CPLANE1: variants seen among roughly 807,000 people sequenced by gnomAD.
The protein encoded by CPLANE1 is ciliogenesis and planar polarity effector complex subunit 1, also known as ciliogenesis and planar polarity effector 1.
A neutral mutation model predicts 362.5 loss-of-function variants in CPLANE1; 263 were observed. The ratio of observed to expected loss-of-function variants is 0.73; its 90% confidence interval spans 0.66 to 0.80. CPLANE1 has a LOEUF of 0.80. Among genes scored for constraint, CPLANE1 ranks in the 30% least tolerant of loss-of-function variants. The probability of loss-of-function intolerance (pLI) is 0.00; values close to 1 mark genes in which losing one functional copy is unlikely to be tolerated. For missense variants in CPLANE1, 3,461 were observed against 3,793.4 expected, an observed-to-expected ratio of 0.91 and a Z score of 2.30; for synonymous variants, 1,212 against 1,302.6, an observed-to-expected ratio of 0.93 and a Z score of 1.50.
chr5:37,078,221 AGTGGC>A, the CPLANE1 span, among the ~76,000 whole-genome samples: 2 of 152,150 alleles, frequency 1.3e-5, no homozygotes, highest in South Asian at 4.2e-4. Flanking sequence ...AACAGGCCCC[AGTGGC>A]GTGTTGTTCC....
At chr5:37,210,532 A>AAGC (rs1792296222) in intron 16 of CPLANE1, 1 of 1,441,686 alleles carries the variant, frequency 6.9e-7, no homozygotes, top group Non-Finnish European at 9.7e-7. Context: ...ATAGCTTTTA[A>AAGC]TTCAAAAAAG....
At chr5:37,146,564 G>A (rs1464437083) in intron 43 of CPLANE1, among the ~76,000 whole-genome samples, 2 of 152,134 alleles carry the variant, frequency 1.3e-5, no homozygotes, top group African/African-American at 2.4e-5. Context: ...TTAAAGGAGT[G>A]TCAATATTAT....
At chr5:37,123,462 G>A (rs1561321502) in intron 47 of CPLANE1, among the ~76,000 whole-genome samples, 1 of 152,112 alleles carries the variant, frequency 6.6e-6, no homozygotes, top group Admixed American at 6.5e-5. Flanking sequence ...CCAAATAGAA[G>A]TTAAAAAACA....
chr5:37,219,098 G>T, intron 15 of CPLANE1, among the ~76,000 whole-genome samples: 1 of 152,120 alleles, frequency 6.6e-6, no homozygotes, highest in Non-Finnish European at 1.5e-5. Context: ...CTTTCACCCT[G>T]GGTACAGTGG....
chr5:37,120,868 T>C (rs1206305573), intron 49 of CPLANE1, among the ~76,000 whole-genome samples: 1 of 152,242 alleles, frequency 6.6e-6, no homozygotes, highest in Non-Finnish European at 1.5e-5. Context: ...CACACACAGA[T>C]GATCTGATTA....
Position 37,170,255 on chromosome 5 carries a change from A to G in CPLANE1, c.6248T>C (p.Leu2083Pro), listed in dbSNP as rs140110975. 3 of 1,614,058 alleles carry G rather than the reference A, an allele frequency of 1.9e-6. No homozygotes were observed. Among genetic ancestry groups the G allele is most frequent in the East Asian group, 4.5e-5 (2 of 44,900 alleles). The change falls in exon 33 of 53, where the codon CTT becomes CCT. Residue 2083 changes from leucine to proline, a missense_variant. Coordinates refer to ENST00000651892, the MANE Select transcript of CPLANE1 (RefSeq NM_001384732.1). ...ATGCACAGACTGAGACTGCTGTACA[A>G]GTTGTTGTGTATCTGGGAGATTAGC... ...SFANLPDTQQ[L>P]VQQSQSVHLG...
At chr5:37,134,719 A>G (rs1040236090) in intron 46 of CPLANE1, among the ~76,000 whole-genome samples, 9 of 150,084 alleles carry the variant, frequency 6.0e-5, no homozygotes, top group African/African-American at 2.2e-4. Flanking sequence ...TAGTTCCTCT[A>G]GGCGTGATGT....
rs563916668 is a variant in CPLANE1 at position 37,173,932 on chromosome 5, T to C, written c.5994A>G (p.Thr1998=). 26 of 1,613,992 alleles carry C rather than the reference T, an allele frequency of 1.6e-5. 1 individual carries two copies. The South Asian group carries it at 2.5e-4, about 16-fold the overall frequency. The change falls in exon 32 of 53, where the codon ACA becomes ACG. Residue 1998 remains threonine (T), a synonymous_variant. Coordinates refer to ENST00000651892, the MANE Select transcript of CPLANE1 (RefSeq NM_001384732.1). ...GAACTGAGGAAGATTTTTCTTTATA[T>C]GTAGAAATCTGTGCACTGCGTGGAA... The part of the protein sequence containing the change: ...SSEISSAQIS[T]YKEKSSSVPL...
chr5:37,127,080 T>G (rs1764338668), intron 46 of CPLANE1, among the ~76,000 whole-genome samples: 1 of 152,194 alleles, frequency 6.6e-6, no homozygotes, highest in Admixed American at 6.5e-5. Flanking sequence ...TTGTCACAAC[T>G]TGTTACTGGA....
At chr5:37,084,900 G>A in the CPLANE1 span, among the ~76,000 whole-genome samples, 20 of 152,130 alleles carry the variant, frequency 1.3e-4, no homozygotes, top group East Asian at 3.9e-3. Flanking sequence ...TAAACTTAAG[G>A]TAAAGGGGTG....
intron 7 of CPLANE1, 143 bp from the exon 8 acceptor site, chr5:37,239,103 C>T (rs1249981272): frequency 9.3e-6 from 4 of 430,070 alleles, no homozygotes; most frequent in Admixed American, 8.5e-5. Context: ...AATATTGACC[C>T]CTGGTAGCCT....
chr5:37,103,117 T>C (rs1205747798), downstream of CPLANE1, among the ~76,000 whole-genome samples: 1 of 152,244 alleles, frequency 6.6e-6, no homozygotes, highest in African/African-American at 2.4e-5. Flanking sequence ...TCTTGTTGAA[T>C]TGAATCCTTT....
chr5:37,121,631 G>C lies in CPLANE1; in HGVS notation c.9171C>G (p.Cys3057Trp). The C allele has an allele frequency of 6.2e-7, 1 of 1,614,116 alleles. No individual in the cohort carries two copies. The highest frequency in any genetic ancestry group is 8.5e-7 in the Non-Finnish European group (1 of 1,179,972). The change falls in exon 49 of 53, where the codon TGC (cysteine) becomes TGG (tryptophan). Residue 3057 changes from cysteine to tryptophan, a missense_variant. Cys to Trp is a radical substitution (Grantham distance 215). Transcript: ENST00000651892. Reference protein sequence around the residue: ...SPTQSSSCQHCPSPRGENQHG... With the variant: ...SPTQSSSCQHWPSPRGENQHG... ...CCTTGTCTTACCCTCTTGGAGAAGGGCAGTGTTGACAACTGGAAGACTGAG... is the reference window on the plus strand; with the variant it reads ...CCTTGTCTTACCCTCTTGGAGAAGGCCAGTGTTGACAACTGGAAGACTGAG...
intron 8 of CPLANE1, among the ~76,000 whole-genome samples, chr5:37,236,988 A>G (rs959529813): frequency 2.0e-5 from 3 of 152,234 alleles, no homozygotes; most frequent in Non-Finnish European, 4.4e-5. Flanking sequence ...GGGAACAAAC[A>G]TGATTGGTGG....
chr5:37,094,307 T>C, the CPLANE1 span, among the ~76,000 whole-genome samples: 3 of 110,926 alleles, frequency 2.7e-5, no homozygotes, highest in East Asian at 4.6e-4. Context: ...ACCACACAAA[T>C]ACATGGAAAT....
At chr5:37,210,073 AG>A in intron 16 of CPLANE1, 1 of 804,404 alleles carries the variant, frequency 1.2e-6, no homozygotes. Context: ...GCAAAAAAAA[AG>A]TATGAGAAGG....
At chr5:37,158,798 T>G (rs1775952363) in intron 38 of CPLANE1, among the ~76,000 whole-genome samples, 2 of 151,650 alleles carry the variant, frequency 1.3e-5, no homozygotes, top group African/African-American at 4.8e-5. Context: ...ACATTTTTTT[T>G]TTTTTTTTGA....
At chr5:37,132,898 G>A (rs1011186122) in intron 46 of CPLANE1, among the ~76,000 whole-genome samples, 3 of 152,098 alleles carry the variant, frequency 2.0e-5, no homozygotes, top group Non-Finnish European at 4.4e-5. Flanking sequence ...GGATTCTTAT[G>A]GTTTGAGGTC....
intron 41 of CPLANE1, among the ~76,000 whole-genome samples, chr5:37,154,934 C>A (rs1043010357): frequency 1.3e-5 from 2 of 152,156 alleles, no homozygotes; most frequent in Admixed American, 6.5e-5. Flanking sequence ...GCAAATAGCA[C>A]CACCGTTCAG....
Sources: allele counts gnomAD v4.1 joint callset (sites outside exome capture counted in the v4.1 genomes callset), GRCh38; gene constraint gnomAD v4.1.1; transcripts MANE v1.5; gene names NCBI Gene and HGNC (gene_info 2026-07-23, HGNC 2026-07-21).